RAB27B: variants seen among roughly 807,000 people sequenced by gnomAD.
The protein encoded by RAB27B is RAB27B, member RAS oncogene family, also known as ras-related protein Rab-27B.
RAB27B carries 15 observed loss-of-function variants against 24.6 expected under a neutral mutation model. The ratio of observed to expected loss-of-function variants is 0.61; its 90% CI spans 0.41 to 0.94. The LOEUF (loss-of-function observed/expected upper bound fraction) is 0.94. RAB27B is among the 40% of genes least tolerant of loss of function. The pLI is 0.00. For missense variants in RAB27B, 261 were observed against 266.8 expected, an observed-to-expected ratio of 0.98 and a Z score of 0.15; for synonymous variants, 105 against 92.5, an observed-to-expected ratio of 1.14 and a Z score of -0.78.
chr18:54,784,529 T>C (rs1340352984), intron 2 of RAB27B, among the ~76,000 whole-genome samples: 1 of 152,178 alleles, frequency 6.6e-6, no homozygotes, highest in Non-Finnish European at 1.5e-5. Flanking sequence ...GCATACCCAG[T>C]GTTTAACTCC....
chr18:54,780,846 G>C (rs9319910), intron 2 of RAB27B, among the ~76,000 whole-genome samples: 146,786 of 152,272 alleles, frequency 0.96, 70,973 homozygotes, highest in East Asian at 1. Context: ...GTTTGCAAAC[G>C]ACTGGATAAA....
At chr18:54,753,381 A>G (rs1156865558) in intron 2 of RAB27B, among the ~76,000 whole-genome samples, 1 of 152,162 alleles carries the variant, frequency 6.6e-6, no homozygotes, top group East Asian at 1.9e-4. Flanking sequence ...TTAACTAGTT[A>G]ATCATTGTTT....
At chr18:54,865,237 TTGTG>T (rs3060044) in intron 1 of RAB27B, among the ~76,000 whole-genome samples, 50,284 of 143,308 alleles carry the variant, frequency 0.35, 8,674 homozygotes, top group Admixed American at 0.4. Context: ...CAATGGCCTT[TTGTG>T]TGTGTGTGTG....
Position 54,888,094 on chromosome 18 carries a change from C to A in RAB27B, c.443C>A (p.Ala148Asp), listed in dbSNP as rs1184128382. Residue 148 changes from alanine (A) to aspartate (D), a missense_variant, in exon 5 of 6, where the codon GCT becomes GAT. Ala to Asp is a moderately radical substitution (Grantham distance 126). Transcript: ENST00000262094. ...PDQREVNERQ[A>D]RELADKYGIP... ...CAGAGGGAAGTCAATGAACGGCAAGCTCGGGAACTGGCTGACAAATATGGG... is the reference window on the plus strand; with the variant it reads ...CAGAGGGAAGTCAATGAACGGCAAGATCGGGAACTGGCTGACAAATATGGG... The A allele has an allele frequency of 6.2e-7, 1 of 1,612,886 alleles. No homozygotes were observed.
chr18:54,850,359 T>TATATATATATATATATACACAC (rs1491518141), intron 1 of RAB27B, among the ~76,000 whole-genome samples: 34 of 126,860 alleles, frequency 2.7e-4, no homozygotes, highest in African/African-American at 9.7e-4. Flanking sequence ...TATATATATA[T>TATATATATATATATATACACAC]ACATACATAC....
intron 1 of RAB27B, among the ~76,000 whole-genome samples, chr18:54,856,179 ATC>A (rs1297114767): frequency 1.3e-5 from 2 of 152,230 alleles, no homozygotes; most frequent in Non-Finnish European, 2.9e-5. Flanking sequence ...GTTCTGCAAG[ATC>A]TCTCTGTAGA....
chr18:54,877,767 G>T, intron 2 of RAB27B, 29 bp downstream of exon 2: 1 of 1,548,870 alleles, frequency 6.5e-7, no homozygotes, highest in Non-Finnish European at 8.7e-7. Flanking sequence ...TTCTAACCTT[G>T]TCACTCATCC....
intron 2 of RAB27B, among the ~76,000 whole-genome samples, chr18:54,759,903 T>C (rs553936803): frequency 5.3e-5 from 8 of 152,310 alleles, no homozygotes; most frequent in Non-Finnish European, 7.3e-5. Context: ...CTTATACCAC[T>C]GAGAGCCACT....
chr18:54,791,198 T>TA (rs374466553), intron 2 of RAB27B, among the ~76,000 whole-genome samples: 2 of 151,352 alleles, frequency 1.3e-5, no homozygotes, highest in South Asian at 2.1e-4. Flanking sequence ...TCTAGAGCAT[T>TA]AAAAAAAGAA....
chr18:54,796,781 G>T (rs750195992), intron 2 of RAB27B, among the ~76,000 whole-genome samples: 32 of 152,200 alleles, frequency 2.1e-4, no homozygotes, highest in Middle Eastern at 3.2e-3. Context: ...AGGAGTGCTT[G>T]TTCTCACTTA....
chr18:54,867,232 G>T (rs1334716332), intron 1 of RAB27B, among the ~76,000 whole-genome samples: 1 of 151,990 alleles, frequency 6.6e-6, no homozygotes, highest in East Asian at 1.9e-4. Context: ...AGTGGGAGAG[G>T]TACCTCTAAA....
chr18:54,803,310 G>A (rs547842189), intron 2 of RAB27B, among the ~76,000 whole-genome samples: 156 of 152,298 alleles, frequency 1.0e-3, no homozygotes, highest in African/African-American at 3.6e-3. Context: ...GTGATGTTCA[G>A]GATGAAGTGT....
At chr18:54,778,160 ATAAT>A (rs1233046304) in intron 2 of RAB27B, among the ~76,000 whole-genome samples, 1 of 152,216 alleles carries the variant, frequency 6.6e-6, no homozygotes, top group African/African-American at 2.4e-5. Context: ...CACCTCATAA[ATAAT>A]ATAATCGCCA....
At chr18:54,824,583 A>G (rs1461773628), upstream of RAB27B, among the ~76,000 whole-genome samples, 2 of 152,180 alleles carry the variant, frequency 1.3e-5, no homozygotes, top group Non-Finnish European at 2.9e-5. Flanking sequence ...GAAGAGGGGA[A>G]GTGTGGAGGA....
At chr18:54,805,821 T>A in intron 2 of RAB27B, among the ~76,000 whole-genome samples, 1 of 152,202 alleles carries the variant, frequency 6.6e-6, no homozygotes, top group East Asian at 1.9e-4. Context: ...GATTGGATCT[T>A]ATATAGAGTA....
intron 1 of RAB27B, among the ~76,000 whole-genome samples, chr18:54,850,360 A>ATATATATATATATATATG: frequency 7.6e-6 from 1 of 131,836 alleles, no homozygotes; most frequent in African/African-American, 3.2e-5. Context: ...ATATATATAT[A>ATATATATATATATATATG]CATACATACA....
chr18:54,724,280 T>A (rs1377721892), intron 2 of RAB27B, among the ~76,000 whole-genome samples: 1 of 151,674 alleles, frequency 6.6e-6, no homozygotes. Flanking sequence ...ACTTAGTAGT[T>A]TGAATTCTCA....
At chr18:54,773,970 G>A (rs563801344) in intron 2 of RAB27B, among the ~76,000 whole-genome samples, 3 of 152,196 alleles carry the variant, frequency 2.0e-5, no homozygotes, top group South Asian at 4.2e-4. Context: ...GAGACATCGC[G>A]CCCGGCTGAG....
intron 2 of RAB27B, among the ~76,000 whole-genome samples, chr18:54,743,793 C>A (rs1044949816): frequency 6.6e-6 from 1 of 152,072 alleles, no homozygotes; most frequent in Admixed American, 6.6e-5. Flanking sequence ...GCCTTTATGC[C>A]CAGTGAGATG....
Sources: gnomAD v4.1 joint callset for allele counts (sites outside exome capture counted in the v4.1 genomes callset) on GRCh38, gnomAD v4.1.1 for gene constraint, MANE v1.5 for transcripts, NCBI Gene and HGNC (gene_info 2026-07-23, HGNC 2026-07-21) for gene names.